The following PDE1C variants were observed in gnomAD, a reference collection of about 807,000 sequenced individuals.
The protein encoded by PDE1C is phosphodiesterase 1C.
In PDE1C, 62 loss-of-function variants were observed where a neutral mutation model predicts 93.1. The observed-to-expected ratio is 0.67, with a 90% confidence interval of 0.54 to 0.82. PDE1C has a LOEUF of 0.82. PDE1C is among the 40% of genes least tolerant of loss of function. The pLI, the probability that PDE1C is intolerant of heterozygous loss-of-function variation, is 0.00. For synonymous variants in PDE1C, 325 were observed against 310.1 expected (o/e 1.05, Z -0.50); for missense variants, 742 against 884.6 (o/e 0.84, Z 2.04).
At chr7:32,198,710 C>T (rs1305195432) in intron 2 of PDE1C, among the ~76,000 whole-genome samples, 1 of 152,222 alleles carries the variant, frequency 6.6e-6, no homozygotes, top group African/African-American at 2.4e-5. Context: ...TCTTTGACAG[C>T]TCTGCTTACA....
At chr7:31,885,895 A>C (rs560209825) in intron 2 of PDE1C, among the ~76,000 whole-genome samples, 1 of 152,348 alleles carries the variant, frequency 6.6e-6, no homozygotes, top group South Asian at 2.1e-4. Flanking sequence ...ATTAGACCCT[A>C]CTAGAATTTC....
chr7:31,920,041 C>T (rs1583971314), intron 2 of PDE1C, among the ~76,000 whole-genome samples: 1 of 152,294 alleles, frequency 6.6e-6, no homozygotes, highest in African/African-American at 2.4e-5. Flanking sequence ...CTTTTCTACC[C>T]CTATTTCTTA....
exon 3 of PDE1C, chr7:32,169,805 G>A: frequency 8.1e-6 from 13 of 1,612,554 alleles, no homozygotes; most frequent in Non-Finnish European, 1.0e-5. Context: ...TCTTCACCAA[G>A]ACTTCTGGGC....
intron 1 of PDE1C, among the ~76,000 whole-genome samples, chr7:32,326,763 A>G (rs189527306): frequency 6.6e-6 from 1 of 152,176 alleles, no homozygotes; most frequent in Admixed American, 6.5e-5. Flanking sequence ...ATGCAGAGCA[A>G]TGGGGTAGCA....
the PDE1C span, chr7:31,652,104 T>TGC: frequency 8.1e-7 from 1 of 1,230,472 alleles, no homozygotes; most frequent in Non-Finnish European, 1.2e-6. Context: ...ACAGGAGAGG[T>TGC]GCATTAAATG....
chr7:32,392,651 A>C (rs1424087434), intron 1 of PDE1C, among the ~76,000 whole-genome samples: 3 of 152,330 alleles, frequency 2.0e-5, no homozygotes, highest in African/African-American at 7.2e-5. Context: ...AAAATCAATT[A>C]ATGTAGTATG....
intron 3 of PDE1C, among the ~76,000 whole-genome samples, chr7:32,119,302 C>T (rs149026322): frequency 5.0e-3 from 767 of 152,280 alleles, no homozygotes; most frequent in African/African-American, 0.017. Flanking sequence ...CCCCAGGTTA[C>T]GCCAAGGTCT....
intron 1 of PDE1C, among the ~76,000 whole-genome samples, chr7:32,225,557 T>C (rs1437846197): frequency 1.3e-5 from 2 of 152,066 alleles, no homozygotes; most frequent in African/African-American, 4.8e-5. Flanking sequence ...AGGTGGGAGA[T>C]TGGAACAAGA....
intron 1 of PDE1C, among the ~76,000 whole-genome samples, chr7:32,255,533 A>G (rs1351212361): frequency 2.0e-5 from 3 of 152,226 alleles, no homozygotes; most frequent in Non-Finnish European, 2.9e-5. Context: ...TCTGTCCCTG[A>G]GAATATCTCA....
chr7:32,321,242 G>A (rs544596569), intron 1 of PDE1C, among the ~76,000 whole-genome samples: 3 of 152,200 alleles, frequency 2.0e-5, no homozygotes, highest in African/African-American at 7.2e-5. Context: ...CACAATCACA[G>A]AGCAGAGCCT....
At chr7:31,881,676 A>G (rs1797265031) in intron 2 of PDE1C, among the ~76,000 whole-genome samples, 2 of 152,204 alleles carry the variant, frequency 1.3e-5, no homozygotes, top group South Asian at 4.1e-4. Flanking sequence ...GACTTTGAAG[A>G]CGAACTGGGG....
chr7:32,302,207 A>G (rs1812898078), upstream of PDE1C, among the ~76,000 whole-genome samples: 1 of 152,220 alleles, frequency 6.6e-6, no homozygotes. Context: ...GGTTTGGGTA[A>G]CTTCTAGTTT....
chr7:31,805,971 G>T (rs1786771940), intron 16 of PDE1C, among the ~76,000 whole-genome samples: 1 of 151,878 alleles, frequency 6.6e-6, no homozygotes, highest in Non-Finnish European at 1.5e-5. Context: ...GGGGTTTTGG[G>T]TTGTTTCAGG....
intron 5 of PDE1C, among the ~76,000 whole-genome samples, chr7:31,875,794 T>TAC (rs1491265545): frequency 1.5e-3 from 27 of 18,008 alleles, no homozygotes; most frequent in African/African-American, 7.9e-3. Flanking sequence ...AGCTTACATC[T>TAC]ATATATATAT....
At chr7:32,212,610 A>G (rs893332886) in intron 1 of PDE1C, among the ~76,000 whole-genome samples, 1 of 152,040 alleles carries the variant, frequency 6.6e-6, no homozygotes, top group African/African-American at 2.4e-5. Flanking sequence ...CTAGATGGAC[A>G]ATCCCACACA....
At chr7:31,863,926 C>T (rs1322547381) in intron 7 of PDE1C, among the ~76,000 whole-genome samples, 2 of 152,054 alleles carry the variant, frequency 1.3e-5, no homozygotes, top group Non-Finnish European at 2.9e-5. Flanking sequence ...CCCACATATT[C>T]CATTTTTAAT....
chr7:32,225,527 C>T (rs1303027175), intron 1 of PDE1C, among the ~76,000 whole-genome samples: 5 of 152,098 alleles, frequency 3.3e-5, no homozygotes, highest in African/African-American at 2.4e-5. Flanking sequence ...AGACAGGAAG[C>T]TTGTAGGGGT....
intron 9 of PDE1C, among the ~76,000 whole-genome samples, chr7:31,847,006 A>G (rs1436749536): frequency 6.6e-6 from 1 of 152,116 alleles, no homozygotes; most frequent in Non-Finnish European, 1.5e-5. Flanking sequence ...TACCCAATAA[A>G]CAGCTGATTA....
intron 3 of PDE1C, among the ~76,000 whole-genome samples, chr7:32,156,099 A>G (rs973640770): frequency 2.0e-5 from 3 of 152,200 alleles, no homozygotes; most frequent in African/African-American, 7.2e-5. Context: ...AGGCCAGATA[A>G]AAGACATTGT....
Sources: allele counts gnomAD v4.1 joint callset (sites outside exome capture counted in the v4.1 genomes callset), GRCh38; gene constraint gnomAD v4.1.1; transcripts MANE v1.5; gene names NCBI Gene and HGNC (gene_info 2026-07-23, HGNC 2026-07-21).